MMP16: variants seen among roughly 807,000 people sequenced by gnomAD.
The protein encoded by MMP16 is matrix metallopeptidase 16, also known as matrix metalloproteinase-16.
A neutral mutation model predicts 67.8 loss-of-function variants in MMP16; 12 were observed. That is an observed-to-expected ratio of 0.18 (90% CI 0.11 to 0.29). The LOEUF is 0.29. MMP16 is among the 10% of genes least tolerant of loss of function. The pLI is 1.00. For synonymous variants in MMP16, 249 were observed against 255.9 expected (o/e 0.97, Z 0.26); for missense variants, 475 against 765.7 (o/e 0.62, Z 4.48).
intron 1 of MMP16, among the ~76,000 whole-genome samples, chr8:88,301,522 G>T (rs1811098794): frequency 6.6e-6 from 1 of 152,132 alleles, no homozygotes; most frequent in Admixed American, 6.6e-5. Context: ...CTCTTTCAAT[G>T]TATGCATGAA....
In MMP16 at chr8:88,144,688, A is replaced by G. The variant is rs532692420; in HGVS notation, c.709+22981T>C. Among the ~76,000 whole-genome samples, 17 of 152,068 alleles carry G rather than the reference A, an allele frequency of 1.1e-4. No homozygotes were observed. The East Asian group carries it at 1.2e-3, about 10-fold the overall frequency. ...TTATTATTTTGAGATTTCTTCTTCA[A>G]TACTATACTATATGAAACAACTTTT... On this transcript the variant is annotated intron_variant, in intron 4 of 9. Coordinates refer to ENST00000286614, the MANE Select transcript of MMP16 (RefSeq NM_005941.5).
At chr8:88,080,199 CACATTTACTAGA>C (rs1808722166) in intron 6 of MMP16, among the ~76,000 whole-genome samples, 1 of 152,158 alleles carries the variant, frequency 6.6e-6, no homozygotes. Flanking sequence ...AGGAGTACAA[CACATTTACTAGA>C]CAGATCTCCC....
intron 6 of MMP16, among the ~76,000 whole-genome samples, chr8:88,093,895 A>T (rs1299998030): frequency 6.6e-6 from 1 of 151,782 alleles, no homozygotes; most frequent in Non-Finnish European, 1.5e-5. Context: ...TAAATGTTTC[A>T]TGTTTGAAGA....
chr8:88,039,361 A>G lies in MMP16; in HGVS notation c.*2100T>C, dbSNP rs1414766891. On this transcript the variant is annotated 3_prime_UTR_variant, in exon 10 of 10. Coordinates refer to ENST00000286614, the MANE Select transcript of MMP16 (RefSeq NM_005941.5). The surrounding 1 kb of genome is among the most constrained non-coding windows in gnomAD (Gnocchi z 4.5). ...CCTATAGGGCATTTTCAGAGTGTGC[A>G]TGTAAAGAGCAAAGTGTCCATCTGC... is the stretch of plus-strand genomic sequence containing the variant. 2 of 152,442 alleles carry G rather than the reference A, an allele frequency of 1.3e-5. No individual in the cohort carries two copies. The highest frequency in any genetic ancestry group is 2.9e-5 in the Non-Finnish European group (2 of 68,014). The allele number at this position is 152,442 out of a possible 1,614,324, so 9.4% of individuals were successfully genotyped here. A position where few individuals can be genotyped will look rare whatever the true frequency, so the allele number is the denominator to read the frequency against.
At chr8:88,118,555 A>G (rs1439606556) in intron 5 of MMP16, 145 bp downstream of exon 5, 2 of 661,664 alleles carry the variant, frequency 3.0e-6, no homozygotes, top group Non-Finnish European at 5.0e-6. Context: ...TTCAGTTGAT[A>G]GAATAATTTT....
At chr8:88,109,314 A>C (rs1809294208) in intron 6 of MMP16, among the ~76,000 whole-genome samples, 1 of 151,164 alleles carries the variant, frequency 6.6e-6, no homozygotes, top group Non-Finnish European at 1.5e-5. Flanking sequence ...GGACTTTTTC[A>C]GGTAGACTAT....
chr8:88,308,369 G>C (rs1289654660), intron 1 of MMP16, among the ~76,000 whole-genome samples: 1 of 152,052 alleles, frequency 6.6e-6, no homozygotes, highest in Non-Finnish European at 1.5e-5. Context: ...ATTATCAAGG[G>C]AACATGTTCT....
chr8:88,310,948 A>T (rs999949984), intron 1 of MMP16, among the ~76,000 whole-genome samples: 1 of 152,138 alleles, frequency 6.6e-6, no homozygotes, highest in African/African-American at 2.4e-5. Context: ...TTTATCAATT[A>T]ATAAGGTATT....
chr8:88,230,114 A>G (rs1375224371), intron 1 of MMP16, among the ~76,000 whole-genome samples: 1 of 152,082 alleles, frequency 6.6e-6, no homozygotes. Context: ...TCATTTTGAC[A>G]TATCTCTAGG....
intron 6 of MMP16, among the ~76,000 whole-genome samples, chr8:88,075,469 T>A (rs1479512213): frequency 1.3e-5 from 2 of 152,096 alleles, no homozygotes; most frequent in African/African-American, 2.4e-5. Flanking sequence ...TCTATAAAGT[T>A]GTTTAATTAA....
At chr8:88,174,247 G>A (rs1808849313) in intron 3 of MMP16, among the ~76,000 whole-genome samples, 1 of 152,034 alleles carries the variant, frequency 6.6e-6, no homozygotes, top group African/African-American at 2.4e-5. Context: ...ATATTCATCT[G>A]GCAATTTAGG....
Position 88,075,822 on chromosome 8 carries a change from T to C in MMP16, c.1084-1079A>G, listed in dbSNP as rs1313179051. ...ATTCTCTGCTTTCTTTCTTGCTCTT[T>C]TCACACAACTTACATATTATATAAG... On this transcript the variant is annotated intron_variant, in intron 6 of 9. Transcript: ENST00000286614. 2.0e-5 allele frequency among the ~76,000 whole-genome samples: 3 copies of C among 152,068 alleles called. 1 individual carries two copies.
At chr8:88,275,701 T>C (rs1810638247) in intron 1 of MMP16, among the ~76,000 whole-genome samples, 1 of 151,944 alleles carries the variant, frequency 6.6e-6, no homozygotes, top group Non-Finnish European at 1.5e-5. Context: ...TGCCATATAT[T>C]ACTTAATATC....
At chr8:88,094,790 A>G (rs1333331376) in intron 6 of MMP16, among the ~76,000 whole-genome samples, 2 of 151,750 alleles carry the variant, frequency 1.3e-5, no homozygotes, top group Non-Finnish European at 2.9e-5. Flanking sequence ...TCCAGGTCTC[A>G]TGAAAAACTG....
intron 1 of MMP16, among the ~76,000 whole-genome samples, chr8:88,265,993 G>A (rs1810471196): frequency 6.6e-6 from 1 of 152,142 alleles, no homozygotes. Flanking sequence ...CTGCCTTGTC[G>A]ATTATAAAAT....
chr8:88,149,499 C>T (rs1246534784), intron 4 of MMP16, among the ~76,000 whole-genome samples: 3 of 152,152 alleles, frequency 2.0e-5, no homozygotes, highest in Non-Finnish European at 2.9e-5. Context: ...TCTCCCAGCA[C>T]GCGGCTGGAG....
intron 4 of MMP16, among the ~76,000 whole-genome samples, chr8:88,142,202 G>T (rs1345131866): frequency 6.6e-6 from 1 of 151,898 alleles, no homozygotes; most frequent in East Asian, 1.9e-4. Flanking sequence ...GAGCCACCAT[G>T]CCCGGCCATA....
intron 1 of MMP16, among the ~76,000 whole-genome samples, chr8:88,221,933 T>A (rs1388654840): frequency 6.6e-6 from 1 of 152,100 alleles, no homozygotes; most frequent in Non-Finnish European, 1.5e-5. Flanking sequence ...CCATCAAGGC[T>A]GTGGGAGGTT....
At chr8:88,184,563 GAAAAAAAAAAAA>G (rs59310737) in intron 3 of MMP16, among the ~76,000 whole-genome samples, 4 of 10,936 alleles carry the variant, frequency 3.7e-4, no homozygotes, top group African/African-American at 1.1e-3. Flanking sequence ...CTCTCTCTCT[GAAAAAAAAAAAA>G]AAAAAAAAAA....
Sources: allele counts gnomAD v4.1 joint callset (sites outside exome capture counted in the v4.1 genomes callset), GRCh38; gene constraint gnomAD v4.1.1; non-coding constraint Gnocchi (gnomAD v3.1); transcripts MANE v1.5; gene names NCBI Gene and HGNC (gene_info 2026-07-23, HGNC 2026-07-21).